The following SUMF1 variants were observed in gnomAD, a reference collection of about 807,000 sequenced individuals.
The protein encoded by SUMF1 is formylglycine-generating enzyme.
In SUMF1, 48 loss-of-function variants were observed where a neutral mutation model predicts 47.6. That is an observed-to-expected ratio of 1.01 (90% CI 0.80 to 1.28). SUMF1 has a LOEUF of 1.28. SUMF1 is among the 50% of genes most tolerant of loss of function. SUMF1 has a pLI of 0.00. For synonymous variants in SUMF1, 230 were observed against 192.1 expected, an observed-to-expected ratio of 1.20 and a Z score of -1.63; for missense variants, 571 against 485.4, an observed-to-expected ratio of 1.18 and a Z score of -1.66.
At chr3:4,460,747 G>C (rs964641330) in intron 1 of SUMF1, among the ~76,000 whole-genome samples, 1 of 151,652 alleles carries the variant, frequency 6.6e-6, no homozygotes, top group Non-Finnish European at 1.5e-5. Context: ...ACCCTTGATC[G>C]TCTGGTCTCA....
intron 8 of SUMF1, among the ~76,000 whole-genome samples, chr3:4,272,408 T>C (rs1182295883): frequency 6.6e-6 from 1 of 152,180 alleles, no homozygotes; most frequent in Admixed American, 6.6e-5. Context: ...AGACTAGGCC[T>C]TCACATCCTC....
chr3:4,095,820 T>C (rs1192338520), intron 8 of SUMF1, among the ~76,000 whole-genome samples: 1 of 152,160 alleles, frequency 6.6e-6, no homozygotes, highest in Non-Finnish European at 1.5e-5. Context: ...AACTTTATTA[T>C]TTCTTGTTTA....
At chr3:4,391,490 T>C (rs2124929692) in intron 7 of SUMF1, among the ~76,000 whole-genome samples, 1 of 152,278 alleles carries the variant, frequency 6.6e-6, no homozygotes, top group Non-Finnish European at 1.5e-5. Context: ...TAAATTTTTA[T>C]GTATTTATTT....
chr3:4,072,144 G>A (rs1695542575), intron 8 of SUMF1, among the ~76,000 whole-genome samples: 1 of 152,144 alleles, frequency 6.6e-6, no homozygotes, highest in Non-Finnish European at 1.5e-5. Context: ...GTGATACCCA[G>A]GAAAACAGGG....
intron 8 of SUMF1, among the ~76,000 whole-genome samples, chr3:4,228,484 C>G (rs553467256): frequency 2.0e-5 from 3 of 152,070 alleles, no homozygotes; most frequent in African/African-American, 7.2e-5. Flanking sequence ...TGGAAAGCAG[C>G]CCCCGTGGGG....
rs141883304 is a variant in SUMF1 at position 4,175,580 on chromosome 3, G to A, written c.1015-106835C>T. Reference sequence around the variant, plus strand: ...AAGGTAGATAAAACCACAAAGATGGGGAGAAACCACAGCAGAAAAGCTCAA... The same window carrying A: ...AAGGTAGATAAAACCACAAAGATGGAGAGAAACCACAGCAGAAAAGCTCAA... On this transcript the variant is annotated intron_variant and NMD_transcript_variant, in intron 8 of 12. Transcript: ENST00000448413. Among the ~76,000 whole-genome samples, 465 of 152,238 alleles carry A rather than the reference G, an allele frequency of 3.1e-3. 3 individuals are homozygous for A. The highest frequency in any genetic ancestry group is 0.01 in the African/African-American group (432 of 41,524).
At chr3:4,102,786 A>G (rs1693065526) in intron 8 of SUMF1, among the ~76,000 whole-genome samples, 1 of 151,984 alleles carries the variant, frequency 6.6e-6, no homozygotes, top group African/African-American at 2.4e-5. Context: ...AATGTAGCTT[A>G]CTTGATAGGG....
intron 8 of SUMF1, among the ~76,000 whole-genome samples, chr3:4,215,610 G>C (rs1364556883): frequency 6.6e-6 from 1 of 152,208 alleles, no homozygotes; most frequent in Non-Finnish European, 1.5e-5. Context: ...AATCGTCTCT[G>C]TTTGCAGATG....
chr3:4,078,242 G>C (rs1015530457), intron 8 of SUMF1, among the ~76,000 whole-genome samples: 2 of 152,136 alleles, frequency 1.3e-5, no homozygotes, highest in Admixed American at 6.5e-5. Context: ...AAACTATGCA[G>C]ATGGAAATGG....
intron 8 of SUMF1, among the ~76,000 whole-genome samples, chr3:4,226,152 G>A (rs570585336): frequency 6.6e-6 from 1 of 151,932 alleles, no homozygotes; most frequent in Non-Finnish European, 1.5e-5. Context: ...TAAATTGTAT[G>A]CGCTGAATAA....
intron 1 of SUMF1, among the ~76,000 whole-genome samples, chr3:4,463,714 T>C (rs2079870522): frequency 6.6e-6 from 1 of 152,180 alleles, no homozygotes; most frequent in Non-Finnish European, 1.5e-5. Flanking sequence ...AAATCAAGAC[T>C]GACTTTATCC....
At chr3:4,112,796 G>C (rs1333087767) in intron 8 of SUMF1, among the ~76,000 whole-genome samples, 1 of 152,156 alleles carries the variant, frequency 6.6e-6, no homozygotes, top group East Asian at 1.9e-4. Context: ...ATCCAACAGA[G>C]TGAGAACAAG....
rs377122980 is a variant in SUMF1 at position 4,295,641 on chromosome 3, A to G, written c.1014+80689T>C. Among the ~76,000 whole-genome samples the G allele has an allele frequency of 1.4e-4, 22 of 152,284 alleles. No individual in the cohort carries two copies. The East Asian group carries it at 1.9e-3, about 13-fold the overall frequency. ...AGTATTTGAATACGCATGATAATAAATTTGTTCATATGTTTTCCGTGAGTG... is the reference window on the plus strand; with the variant it reads ...AGTATTTGAATACGCATGATAATAAGTTTGTTCATATGTTTTCCGTGAGTG... On this transcript the variant is annotated intron_variant and NMD_transcript_variant, in intron 8 of 12. Transcript: ENST00000448413.
At chr3:4,298,926 C>T (rs114918344) in intron 8 of SUMF1, among the ~76,000 whole-genome samples, 221 of 152,320 alleles carry the variant, frequency 1.5e-3, no homozygotes, top group African/African-American at 5.0e-3. Context: ...TATTACTTTG[C>T]TTCTCCTGTT....
intron 9 of SUMF1, among the ~76,000 whole-genome samples, chr3:4,064,083 T>C (rs1412067974): frequency 6.6e-6 from 1 of 151,994 alleles, no homozygotes. Flanking sequence ...TCATCTTGAA[T>C]AGGAGCTGGG....
At position 4,369,547 on chromosome 3, in the gene SUMF1, CA is replaced by C. The variant is rs1208840014; in HGVS notation, c.1014+6782del. Among the ~76,000 whole-genome samples the C allele has an allele frequency of 3.9e-5, 6 of 152,294 alleles. No individual in the cohort carries two copies. In the East Asian group the frequency reaches 7.7e-4, roughly 20 times the overall value. ...TCCACACTGCAACAAAGATCAGGTT[CA>C]GGGGGAGCTACACAGATGACATGTC... On this transcript the variant is annotated intron_variant, in intron 8 of 8. Transcript: ENST00000272902.
chr3:4,313,793 C>T (rs200072975), intron 8 of SUMF1: 1 of 1,613,020 alleles, frequency 6.2e-7, no homozygotes, highest in East Asian at 2.2e-5. Context: ...CAGCTTGCCC[C>T]TCCCTATAGT....
chr3:4,423,439 C>A (rs1018003549), intron 3 of SUMF1, among the ~76,000 whole-genome samples: 17 of 151,998 alleles, frequency 1.1e-4, no homozygotes, highest in African/African-American at 3.4e-4. Context: ...TATAGAAGTC[C>A]CTAGGGCTTC....
intron 8 of SUMF1, among the ~76,000 whole-genome samples, chr3:4,314,606 T>C (rs1476497781): frequency 6.6e-6 from 1 of 152,142 alleles, no homozygotes; most frequent in Non-Finnish European, 1.5e-5. Flanking sequence ...ACTCCAAATC[T>C]TGTGAAGTTA....
Sources: allele counts gnomAD v4.1 joint callset (sites outside exome capture counted in the v4.1 genomes callset), GRCh38; gene constraint gnomAD v4.1.1; transcripts MANE v1.5; gene names NCBI Gene and HGNC (gene_info 2026-07-23, HGNC 2026-07-21).